The following ZNF678 variants were observed in gnomAD, a reference collection of about 807,000 sequenced individuals.
ZNF678 encodes the protein hypothetical protein MGC42493.
In ZNF678, 5 loss-of-function variants were observed where a neutral mutation model predicts 3.0. That is an observed-to-expected ratio of 1.69 (90% CI 0.88 to 3.56). The LOEUF (loss-of-function observed/expected upper bound fraction) is 3.56, where lower values mean the gene tolerates loss of function less well. ZNF678 is among the 30% of genes most tolerant of loss of function. The pLI is 0.00. For missense variants in ZNF678, 593 were observed against 605.0 expected (o/e 0.98, Z 0.21); for synonymous variants, 218 against 199.6 (o/e 1.09, Z -0.78).
At chr1:227,668,344 A>G (rs771737678) in intron 5 of ZNF678, among the ~76,000 whole-genome samples, 6 of 152,222 alleles carry the variant, frequency 3.9e-5, no homozygotes, top group Non-Finnish European at 8.8e-5. Context: ...GGTTCTGCAG[A>G]TATTACATTT....
At chr1:227,642,487 T>G (rs1221630023) in intron 1 of ZNF678, among the ~76,000 whole-genome samples, 1 of 152,184 alleles carries the variant, frequency 6.6e-6, no homozygotes. Context: ...ATGTGAACTC[T>G]TACTAGAGTA....
intron 2 of ZNF678, among the ~76,000 whole-genome samples, chr1:227,647,871 A>T (rs1658995674): frequency 6.6e-6 from 1 of 152,076 alleles, no homozygotes; most frequent in Non-Finnish European, 1.5e-5. Context: ...CTCTTTTTGC[A>T]TCTTGTCTGA....
At chr1:227,578,301 A>G (rs1368746367) in intron 1 of ZNF678, among the ~76,000 whole-genome samples, 1 of 152,222 alleles carries the variant, frequency 6.6e-6, no homozygotes, top group East Asian at 1.9e-4. Flanking sequence ...ATGTTGGGAA[A>G]GTTCTCGTGG....
At chr1:227,610,558 A>T (rs1471649481) in intron 1 of ZNF678, among the ~76,000 whole-genome samples, 4 of 152,144 alleles carry the variant, frequency 2.6e-5, no homozygotes, top group Non-Finnish European at 5.9e-5. Context: ...AAGCCTTTAG[A>T]ATACCTGCCA....
rs185492658 is a variant in ZNF678 at position 227,646,651 on chromosome 1, C to A, written c.-56C>A. On this transcript the variant is annotated 5_prime_UTR_variant, in exon 2 of 4. The change creates a premature stop within an existing upstream ORF in the 5' untranslated region. Coordinates refer to ENST00000343776, the MANE Select transcript of ZNF678 (RefSeq NM_001367909.1). The stretch of plus-strand genomic sequence containing the variant: ...ATAGGGATGTGATGTTCGAGAACTA[C>A]AGAAACCTGGTCTCCCTGGGTGAGG... 2.2e-6 allele frequency: 3 copies of A among 1,372,188 alleles called. No homozygotes were observed. In the African/African-American group the frequency reaches 4.4e-5, roughly 20 times the overall value. The allele number at this position is 1,372,188 out of a possible 1,614,324, so 85.0% of individuals were successfully genotyped here. A position where few individuals can be genotyped will look rare whatever the true frequency, so the allele number is the denominator to read the frequency against.
chr1:227,622,047 C>T (rs183408996), intron 1 of ZNF678, among the ~76,000 whole-genome samples: 73 of 152,302 alleles, frequency 4.8e-4, no homozygotes, highest in Admixed American at 9.8e-4. Context: ...CCTGCAAAAC[C>T]ATCTCTTGTG....
At chr1:227,601,383 T>C (rs1657734073) in intron 1 of ZNF678, among the ~76,000 whole-genome samples, 1 of 152,102 alleles carries the variant, frequency 6.6e-6, no homozygotes, top group Admixed American at 6.5e-5. Context: ...TTTTTAAAAT[T>C]TGTTTGTGTC....
chr1:227,648,281 T>C (rs1279557122), intron 2 of ZNF678, among the ~76,000 whole-genome samples: 1 of 152,200 alleles, frequency 6.6e-6, no homozygotes, highest in African/African-American at 2.4e-5. Flanking sequence ...TGTTTTTATT[T>C]ACTATAAAGC....
intron 1 of ZNF678, among the ~76,000 whole-genome samples, chr1:227,594,490 C>T (rs1264837738): frequency 2.0e-5 from 3 of 152,184 alleles, no homozygotes; most frequent in Non-Finnish European, 2.9e-5. Flanking sequence ...GATGATACCT[C>T]TTTAACTTTA....
downstream of ZNF678, among the ~76,000 whole-genome samples, chr1:227,679,059 T>G (rs2102824708): frequency 6.6e-6 from 1 of 151,826 alleles, no homozygotes; most frequent in Non-Finnish European, 1.5e-5. Flanking sequence ...AACCTACTAC[T>G]ATTAGAAACT....
intron 1 of ZNF678, among the ~76,000 whole-genome samples, chr1:227,642,646 C>G (rs939334753): frequency 2.6e-5 from 4 of 151,998 alleles, no homozygotes; most frequent in African/African-American, 9.7e-5. Flanking sequence ...CTGCCTGATT[C>G]ATCATGGGGA....
chr1:227,668,421 A>G (rs1354308183), intron 5 of ZNF678, among the ~76,000 whole-genome samples: 3 of 152,244 alleles, frequency 2.0e-5, no homozygotes, highest in Admixed American at 6.5e-5. Context: ...GCTAGCAAGC[A>G]GATTCTCAGT....
chr1:227,598,978 C>G (rs1399502217), intron 1 of ZNF678: 26 of 1,130,956 alleles, frequency 2.3e-5, no homozygotes. Flanking sequence ...TCAAATTCAG[C>G]CAAAACCTTG....
In ZNF678 at chr1:227,651,138, G is replaced by C; in HGVS notation, c.85+62G>C. On this transcript the variant is annotated intron_variant, in intron 3 of 3. Transcript: ENST00000343776. ...AGATCTTTTCTGGGTTCATAGTAGA[G>C]AGGGGATATACCTGAGTCCTAAGGT... 1.9e-6 allele frequency: 3 copies of C among 1,584,004 alleles called. No individual in the cohort carries two copies. In the Admixed American group the frequency reaches 5.1e-5, roughly 27 times the overall value.
At chr1:227,630,320 C>T (rs1157285444) in intron 1 of ZNF678, among the ~76,000 whole-genome samples, 2 of 152,200 alleles carry the variant, frequency 1.3e-5, no homozygotes, top group Non-Finnish European at 2.9e-5. Context: ...GCACCAATCT[C>T]CATGTTCTGA....
At chr1:227,599,045 G>A in intron 1 of ZNF678, 1 of 1,580,774 alleles carries the variant, frequency 6.3e-7, no homozygotes, top group Middle Eastern at 2.3e-4. Context: ...GGTAGGCCTT[G>A]GTCGATTCAA....
intron 1 of ZNF678, among the ~76,000 whole-genome samples, chr1:227,635,085 CAA>C (rs71721953): frequency 6.9e-6 from 1 of 145,522 alleles, no homozygotes. Flanking sequence ...GCCTGGTAAT[CAA>C]AAAAAAAAAA....
exon 6 of ZNF678, chr1:227,677,307 A>G (rs1659701963): frequency 6.6e-6 from 1 of 152,222 alleles, no homozygotes; most frequent in South Asian, 2.1e-4. Flanking sequence ...GCTCCCTATC[A>G]AGTGCTCCTG....
At chr1:227,668,917 G>A (rs1659553816) in intron 5 of ZNF678, among the ~76,000 whole-genome samples, 1 of 151,814 alleles carries the variant, frequency 6.6e-6, no homozygotes, top group African/African-American at 2.4e-5. Context: ...TCTATTATGT[G>A]GATTAAAGAT....
Sources: gnomAD v4.1 joint callset for allele counts (sites outside exome capture counted in the v4.1 genomes callset) on GRCh38, gnomAD v4.1.1 for gene constraint, MANE v1.5 for transcripts, NCBI Gene and HGNC (gene_info 2026-07-23, HGNC 2026-07-21) for gene names.